Variants in GSK3B observed in about 807,000 individuals in gnomAD.
GSK3B encodes glycogen synthase kinase-3 beta.
A neutral mutation model predicts 56.4 loss-of-function variants in GSK3B; 15 were observed. That is an observed-to-expected ratio of 0.27 (90% CI 0.18 to 0.41). The LOEUF is 0.41. GSK3B is among the 10% of genes least tolerant of loss of function. GSK3B has a pLI of 1.00. For missense variants in GSK3B, 300 were observed against 513.4 expected, an observed-to-expected ratio of 0.58 and a Z score of 4.02; for synonymous variants, 181 against 188.9, an observed-to-expected ratio of 0.96 and a Z score of 0.34.
chr3:119,840,345 C>T (rs2055754317), intron 10 of GSK3B, among the ~76,000 whole-genome samples: 1 of 151,934 alleles, frequency 6.6e-6, no homozygotes, highest in Non-Finnish European at 1.5e-5. Context: ...TTGCCTTAAC[C>T]TCCTGAGTAG....
At chr3:120,067,458 T>C (rs551565401) in intron 1 of GSK3B, among the ~76,000 whole-genome samples, 2 of 152,146 alleles carry the variant, frequency 1.3e-5, no homozygotes, top group African/African-American at 4.8e-5. Context: ...ATTTAGCCTA[T>C]AGTTGGGCAA....
chr3:119,990,236 C>G (rs1406533524), intron 2 of GSK3B, among the ~76,000 whole-genome samples: 1 of 152,006 alleles, frequency 6.6e-6, no homozygotes, highest in Non-Finnish European at 1.5e-5. Flanking sequence ...AGATGTCTGC[C>G]CCAAGATAAC....
chr3:119,976,545 C>G (rs2057409839), intron 2 of GSK3B, among the ~76,000 whole-genome samples: 1 of 151,852 alleles, frequency 6.6e-6, no homozygotes, highest in Non-Finnish European at 1.5e-5. Flanking sequence ...GTTTCCAGGG[C>G]CTGGGGGAAG....
chr3:120,021,499 G>C (rs1419150580), intron 1 of GSK3B, among the ~76,000 whole-genome samples: 1 of 151,362 alleles, frequency 6.6e-6, no homozygotes, highest in Non-Finnish European at 1.5e-5. Context: ...CTGGGCAACA[G>C]AGTGAGACTC....
chr3:119,921,138 CA>C (rs1247067839), intron 4 of GSK3B, among the ~76,000 whole-genome samples: 1 of 152,190 alleles, frequency 6.6e-6, no homozygotes, highest in African/African-American at 2.4e-5. Context: ...TTTAAAACAA[CA>C]AAACACCTCA....
chr3:119,918,945 T>A (rs2056809143), intron 4 of GSK3B, among the ~76,000 whole-genome samples: 1 of 152,066 alleles, frequency 6.6e-6, no homozygotes, highest in African/African-American at 2.4e-5. Context: ...ATAGAATACA[T>A]GTTAAAACAA....
chr3:119,944,977 ATAAC>A (rs1370554832), intron 3 of GSK3B, among the ~76,000 whole-genome samples: 1 of 152,196 alleles, frequency 6.6e-6, no homozygotes, highest in African/African-American at 2.4e-5. Context: ...AGAACTGAAA[ATAAC>A]TAACCTGAGC....
At chr3:119,831,380 G>A (rs770983100) in intron 10 of GSK3B, among the ~76,000 whole-genome samples, 12 of 152,044 alleles carry the variant, frequency 7.9e-5, no homozygotes, top group African/African-American at 2.7e-4. Context: ...AGAGTGGGCC[G>A]GGCGCGGTGG....
chr3:120,046,630 C>T (rs2058106008), intron 1 of GSK3B, among the ~76,000 whole-genome samples: 1 of 152,134 alleles, frequency 6.6e-6, no homozygotes. Flanking sequence ...TATTTTGAGA[C>T]AGCGTCTCAC....
chr3:120,019,487 C>A (rs572532249), intron 1 of GSK3B, among the ~76,000 whole-genome samples: 1 of 152,316 alleles, frequency 6.6e-6, no homozygotes, highest in South Asian at 2.1e-4. Flanking sequence ...TCAATGAAAT[C>A]TATCTCAAAC....
intron 2 of GSK3B, among the ~76,000 whole-genome samples, chr3:119,958,615 CT>C (rs1230810590): frequency 1.3e-5 from 2 of 151,972 alleles, no homozygotes; most frequent in African/African-American, 4.8e-5. Flanking sequence ...GAGGTCAAGG[CT>C]ACAGTGCGCT....
intron 2 of GSK3B, among the ~76,000 whole-genome samples, chr3:119,985,465 T>C (rs1002369896): frequency 6.6e-6 from 1 of 152,120 alleles, no homozygotes; most frequent in Non-Finnish European, 1.5e-5. Context: ...AATCTCAAGC[T>C]GATAACCAAC....
chr3:120,048,254 T>G (rs1056989483), intron 1 of GSK3B, among the ~76,000 whole-genome samples: 26 of 152,220 alleles, frequency 1.7e-4, no homozygotes, highest in Admixed American at 1.7e-3. Flanking sequence ...GAATGTGATA[T>G]AAGTGCCTTT....
At chr3:119,865,919 T>C (rs1343493162) in intron 8 of GSK3B, among the ~76,000 whole-genome samples, 5 of 152,038 alleles carry the variant, frequency 3.3e-5, no homozygotes, top group Non-Finnish European at 5.9e-5. Context: ...ATGAAGAAAA[T>C]AATACATGTC....
chr3:119,901,766 G>A (rs1409833870), intron 7 of GSK3B, among the ~76,000 whole-genome samples: 1 of 151,658 alleles, frequency 6.6e-6, no homozygotes, highest in East Asian at 1.9e-4. Flanking sequence ...TAAAACATAA[G>A]AATAAAAAAA....
At chr3:119,869,779 T>C (rs1315123891) in intron 8 of GSK3B, among the ~76,000 whole-genome samples, 1 of 152,232 alleles carries the variant, frequency 6.6e-6, no homozygotes, top group African/African-American at 2.4e-5. Flanking sequence ...GTGCATAACT[T>C]CACTTAAAGT....
chr3:120,031,763 T>C (rs1443648910), intron 1 of GSK3B, among the ~76,000 whole-genome samples: 1 of 152,238 alleles, frequency 6.6e-6, no homozygotes, highest in African/African-American at 2.4e-5. Flanking sequence ...TAAGTAAGTA[T>C]ATAATTAGCT....
At chr3:119,934,104 T>C (rs2056971810) in intron 3 of GSK3B, among the ~76,000 whole-genome samples, 1 of 152,206 alleles carries the variant, frequency 6.6e-6, no homozygotes, top group African/African-American at 2.4e-5. Context: ...TACTCCACCA[T>C]TAAGGAAAAG....
rs71619762 is a variant in GSK3B, at chr3:119,930,080, TACACACACACACACACACAC to T, written c.367-6617_367-6598del. 1.0e-4 allele frequency among the ~76,000 whole-genome samples: 14 copies of T among 133,594 alleles called. No individual in the cohort carries two copies. In the East Asian group the frequency reaches 2.9e-3, roughly 27 times the overall value. The allele number at this position is 133,594 out of a possible 152,430, so 87.6% of individuals were successfully genotyped here. ...GACGACACAGTGAGATTCTGTCTCC[TACACACACACACACACACAC>T]ACACACACACACACACACACACACG... On this transcript the variant is annotated intron_variant, in intron 3 of 10. Transcript: ENST00000264235.
Sources: allele counts gnomAD v4.1 joint callset (sites outside exome capture counted in the v4.1 genomes callset), GRCh38; gene constraint gnomAD v4.1.1; transcripts MANE v1.5; gene names NCBI Gene and HGNC (gene_info 2026-07-23, HGNC 2026-07-21).